Variants in RTN4RL1 observed in about 807,000 individuals in gnomAD.
RTN4RL1 encodes the protein reticulon 4 receptor like 1.
RTN4RL1 carries 7 observed loss-of-function variants against 25.6 expected under a neutral mutation model. The ratio of observed to expected loss-of-function variants is 0.27; its 90% CI spans 0.16 to 0.51. The LOEUF is 0.51. Ranked by LOEUF, RTN4RL1 falls within the 20% of genes least tolerant of loss-of-function variation. The probability of loss-of-function intolerance (pLI) is 0.97; values close to 1 mark genes in which losing one functional copy is unlikely to be tolerated. For missense variants in RTN4RL1, 500 were observed against 615.6 expected (o/e 0.81, Z 1.99); for synonymous variants, 297 against 288.2 (o/e 1.03, Z -0.31).
intron 1 of RTN4RL1, among the ~76,000 whole-genome samples, chr17:1,986,532 G>C (rs1249919496): frequency 6.6e-6 from 1 of 152,080 alleles, no homozygotes; most frequent in Non-Finnish European, 1.5e-5. Context: ...CCTTATAAGA[G>C]ACAGAAGAGG....
intron 1 of RTN4RL1, among the ~76,000 whole-genome samples, chr17:1,990,622 G>T (rs530290469): frequency 1.4e-4 from 22 of 152,058 alleles, no homozygotes; most frequent in African/African-American, 5.3e-4. Context: ...GATCGCTTGA[G>T]CCCAGGAGGT....
In RTN4RL1 at chr17:2,021,752, A is replaced by T. The variant is rs975506180; in HGVS notation, c.13+3101T>A. Among the ~76,000 whole-genome samples the T allele has an allele frequency of 3.4e-5, 5 of 149,068 alleles. 1 individual carries two copies. Among genetic ancestry groups the T allele is most frequent in the Non-Finnish European group, 5.9e-5 (4 of 67,470 alleles). On this transcript the variant is annotated intron_variant, in intron 1 of 1. Coordinates refer to ENST00000331238, the MANE Select transcript of RTN4RL1 (RefSeq NM_178568.4). ...GTATTTTTAGTAGAGACGGGGTTTC[A>T]CCATGTTGGCCAGGCTGGTCTCGAA...
chr17:1,963,316 C>T (rs1004571861), intron 1 of RTN4RL1, among the ~76,000 whole-genome samples: 3 of 152,214 alleles, frequency 2.0e-5, no homozygotes, highest in African/African-American at 7.2e-5. Flanking sequence ...GACCCAGCCC[C>T]GTGGCTCTGG....
chr17:1,975,714 C>T (rs975860574), intron 1 of RTN4RL1, among the ~76,000 whole-genome samples: 31 of 151,996 alleles, frequency 2.0e-4, no homozygotes, highest in South Asian at 2.1e-4. Context: ...TAAGCTGCAC[C>T]GTGTGACAGG....
intron 1 of RTN4RL1, among the ~76,000 whole-genome samples, chr17:1,987,761 ACACACACG>A (rs1345821114): frequency 9.4e-6 from 1 of 106,216 alleles, no homozygotes; most frequent in East Asian, 2.7e-4. Context: ...ACACACACAC[ACACACACG>A]GACTTTCCAC....
intron 1 of RTN4RL1, among the ~76,000 whole-genome samples, chr17:2,023,848 C>A (rs907923937): frequency 5.9e-5 from 9 of 152,208 alleles, no homozygotes; most frequent in African/African-American, 1.9e-4. Flanking sequence ...CCTGAGCTCC[C>A]GCCTCAGCCG....
At chr17:1,980,099 C>T (rs56840733) in intron 1 of RTN4RL1, among the ~76,000 whole-genome samples, 37,077 of 150,180 alleles carry the variant, frequency 0.25, 5,475 homozygotes, top group African/African-American at 0.39. Flanking sequence ...GGCCTCACTC[C>T]GTCGCCCAGC....
chr17:2,000,516 T>TA, intron 1 of RTN4RL1, among the ~76,000 whole-genome samples: 1 of 151,924 alleles, frequency 6.6e-6, no homozygotes, highest in Middle Eastern at 3.4e-3. Flanking sequence ...CTAATTTTAG[T>TA]ATTTTATTTA....
chr17:2,004,959 G>C (rs1031119840), intron 1 of RTN4RL1, among the ~76,000 whole-genome samples: 1 of 152,236 alleles, frequency 6.6e-6, no homozygotes, highest in African/African-American at 2.4e-5. Context: ...TTGAGCTCCT[G>C]TTCTGGGTCA....
chr17:1,990,418 G>A (rs1285792425), intron 1 of RTN4RL1, among the ~76,000 whole-genome samples: 1 of 152,016 alleles, frequency 6.6e-6, no homozygotes, highest in Non-Finnish European at 1.5e-5. Context: ...CTTGTAGGCC[G>A]GGCATGGTGG....
intron 1 of RTN4RL1, among the ~76,000 whole-genome samples, chr17:1,987,102 C>G (rs925860221): frequency 6.6e-6 from 1 of 152,144 alleles, no homozygotes; most frequent in African/African-American, 2.4e-5. Context: ...CTGTAGGCAG[C>G]CATTTATTAC....
chr17:1,960,841 G>A (rs527664065), intron 1 of RTN4RL1, among the ~76,000 whole-genome samples: 1 of 152,000 alleles, frequency 6.6e-6, no homozygotes, highest in African/African-American at 2.4e-5. Flanking sequence ...CGGTTCCCAC[G>A]GGGCCCTCTC....
At position 1,998,064 on chromosome 17, in the gene RTN4RL1, C is replaced by G. The variant is rs894916343; in HGVS notation, c.13+26789G>C. Among the ~76,000 whole-genome samples the G allele has an allele frequency of 2.6e-5, 4 of 152,016 alleles. No individual in the cohort carries two copies. The highest frequency in any genetic ancestry group is 5.9e-5 in the Non-Finnish European group (4 of 67,952). On this transcript the variant is annotated intron_variant, in intron 1 of 1. Coordinates refer to ENST00000331238, the MANE Select transcript of RTN4RL1 (RefSeq NM_178568.4). The surrounding 1 kb of genome is among the most constrained non-coding windows in gnomAD (Gnocchi z 4.9). ...CCCCGCCTCCGCCCCAGGCCGCGAT[C>G]GATCCCGGCCTCTCCCGGCCTCATT...
In RTN4RL1 at chr17:1,952,432, G is replaced by T. The variant is rs573186362; in HGVS notation, c.14-14624C>A. ...GCTCATTGCAACCTCTGCCTCCCGG[G>T]TTCGAGTGATTCTCCTGCCCCAGCT... On this transcript the variant is annotated intron_variant, in intron 1 of 1. Transcript: ENST00000331238. Among the ~76,000 whole-genome samples the T allele has an allele frequency of 3.3e-5, 5 of 151,466 alleles. No homozygotes were observed. The East Asian group carries it at 9.8e-4, about 30-fold the overall frequency.
intron 1 of RTN4RL1, among the ~76,000 whole-genome samples, chr17:1,955,923 T>C (rs906576184): frequency 2.2e-4 from 34 of 152,220 alleles, no homozygotes; most frequent in African/African-American, 7.9e-4. Flanking sequence ...ATGAAAAGTA[T>C]AGAAGTAAAA....
At chr17:2,012,725 C>A (rs1001167729) in intron 1 of RTN4RL1, among the ~76,000 whole-genome samples, 2 of 151,992 alleles carry the variant, frequency 1.3e-5, no homozygotes, top group African/African-American at 2.4e-5. Flanking sequence ...CATTTATTAG[C>A]CAATCAACTC....
intron 1 of RTN4RL1, among the ~76,000 whole-genome samples, chr17:2,005,850 G>A (rs1348337884): frequency 6.8e-6 from 1 of 147,900 alleles, no homozygotes; most frequent in Non-Finnish European, 1.5e-5. Context: ...AGGCTGGAGT[G>A]CAGTGGCGCA....
At chr17:2,014,015 A>G (rs903157472) in intron 1 of RTN4RL1, among the ~76,000 whole-genome samples, 2 of 152,000 alleles carry the variant, frequency 1.3e-5, no homozygotes, top group African/African-American at 2.4e-5. Flanking sequence ...TCAACCTCTC[A>G]CTCAGTTCCT....
At chr17:1,985,712 C>T (rs956491414) in intron 1 of RTN4RL1, among the ~76,000 whole-genome samples, 6 of 152,112 alleles carry the variant, frequency 3.9e-5, no homozygotes, top group African/African-American at 1.4e-4. Context: ...TGTAGGAAGC[C>T]AGCCGTCTGG....
Sources: gnomAD v4.1 joint callset for allele counts (sites outside exome capture counted in the v4.1 genomes callset) on GRCh38, gnomAD v4.1.1 for gene constraint, Gnocchi (gnomAD v3.1) non-coding constraint, MANE v1.5 for transcripts, NCBI Gene and HGNC (gene_info 2026-07-23, HGNC 2026-07-21) for gene names.